UPF2: variants seen among roughly 807,000 people sequenced by gnomAD.
UPF2 encodes regulator of nonsense transcripts 2.
Under a neutral mutation model 141.4 loss-of-function variants are expected in UPF2, and 17 were observed. The observed-to-expected ratio is 0.12, with a 90% CI of 0.08 to 0.18. The LOEUF (loss-of-function observed/expected upper bound fraction) is 0.18, where lower values mean the gene tolerates loss of function less well. Among genes scored for constraint, UPF2 ranks in the 10% least tolerant of loss-of-function variants. The pLI is 1.00. For missense variants in UPF2, 1,152 were observed against 1,515.9 expected (o/e 0.76, Z 3.99); for synonymous variants, 540 against 498.0 (o/e 1.08, Z -1.12).
rs1179353705 is a variant in UPF2, at chr10:11,952,838, A to G, written c.2851-589T>C. On this transcript the variant is annotated intron_variant, in intron 14 of 21. Coordinates refer to ENST00000357604, the MANE Select transcript of UPF2 (RefSeq NM_015542.4). The stretch of plus-strand genomic sequence containing the variant: ...GGCAAGGAAATATTATAAATAAAAT[A>G]CCAAATAAATTTTTAGGTACTCCAA... Among the ~76,000 whole-genome samples the G allele has an allele frequency of 2.0e-5, 3 of 152,084 alleles. 1 individual carries two copies. The highest frequency in any genetic ancestry group is 7.2e-5 in the African/African-American group (3 of 41,402).
rs544636357 is a variant in UPF2 at position 11,941,337 on chromosome 10, AATAAC to A, written c.3378+1323_3378+1327del. Among the ~76,000 whole-genome samples, 420 of 152,308 alleles carry A rather than the reference AATAAC, an allele frequency of 2.8e-3. 1 individual carries two copies. The highest frequency in any genetic ancestry group is 4.6e-3 in the South Asian group (22 of 4,830). On this transcript the variant is annotated intron_variant, in intron 18 of 21. Coordinates refer to ENST00000357604, the MANE Select transcript of UPF2 (RefSeq NM_015542.4). The stretch of plus-strand genomic sequence containing the variant: ...TTTTATTTGATTGCTTGCGCTCCTA[AATAAC>A]ATAAATGTAAGATTTATTTCATAAA...
intron 5 of UPF2, among the ~76,000 whole-genome samples, chr10:12,002,430 AG>A (rs1833969411): frequency 6.6e-6 from 1 of 152,110 alleles, no homozygotes; most frequent in Non-Finnish European, 1.5e-5. Context: ...GCTAAAGATG[AG>A]GGGGAAAAAA....
At chr10:11,970,284 C>T (rs1307761330) in intron 9 of UPF2, among the ~76,000 whole-genome samples, 2 of 151,884 alleles carry the variant, frequency 1.3e-5, no homozygotes, top group African/African-American at 2.4e-5. Context: ...GGGTAAAATG[C>T]TTCCGAGAAA....
At position 11,942,724 on chromosome 10, in the gene UPF2, A is replaced by T. The variant is rs1383098017; in HGVS notation, c.3319T>A (p.Cys1107Ser). Residue 1107 changes from cysteine (C) to serine (S), a missense_variant, in exon 18 of 22, where the codon TGT (cysteine) becomes AGT (serine). Physicochemically the swap from Cys to Ser is moderately radical, Grantham distance 112. Around this residue, in one of 4 missense-constraint regions of UPF2, gnomAD observed 202 missense variants for 223.6 expected, o/e 0.90. Coordinates refer to ENST00000357604, the MANE Select transcript of UPF2 (RefSeq NM_015542.4). Reference protein sequence around the residue: ...IKGGGLKHVPCVEDEDFIQAL... With the variant: ...IKGGGLKHVPSVEDEDFIQAL... ...TGAATGAAGTCCTCATCTTCTACAC[A>T]AGGTACATGCTTAAGTCCACCGCCT... The T allele has an allele frequency of 1.2e-6, 2 of 1,614,052 alleles. 1 individual carries two copies. Among genetic ancestry groups the T allele is most frequent in the South Asian group, 2.2e-5 (2 of 91,080 alleles).
At chr10:11,938,872 T>TTTTTTTTTTTTTTTTTTTTG (rs1832898983) in intron 18 of UPF2, among the ~76,000 whole-genome samples, 1 of 106,012 alleles carries the variant, frequency 9.4e-6, no homozygotes, top group East Asian at 4.3e-4. Flanking sequence ...TTTTTTTTTT[T>TTTTTTTTTTTTTTTTTTTTG]TTTTTTTTTT....
At position 12,014,232 on chromosome 10, in the gene UPF2, T is replaced by A. The variant is rs1353654708; in HGVS notation, c.1146-48A>T. On this transcript the variant is annotated intron_variant, in intron 3 of 21. Coordinates refer to ENST00000357604, the MANE Select transcript of UPF2 (RefSeq NM_015542.4). The surrounding 1 kb of genome is among the most constrained non-coding windows in gnomAD (Gnocchi z 5.0). Reference sequence around the variant, plus strand: ...GACAGTCTTATCAAAATAGATGTGATCACAAATTGTTATATATGGGAAACA... The same window carrying A: ...GACAGTCTTATCAAAATAGATGTGAACACAAATTGTTATATATGGGAAACA... The A allele has an allele frequency of 7.6e-7, 1 of 1,320,964 alleles. No individual in the cohort carries two copies. The highest frequency in any genetic ancestry group is 9.8e-7 in the Non-Finnish European group (1 of 1,024,788). The allele number at this position is 1,320,964 out of a possible 1,614,324, so 81.8% of individuals were successfully genotyped here.
intron 11 of UPF2, among the ~76,000 whole-genome samples, chr10:11,961,190 A>T (rs749645174): frequency 2.2e-4 from 33 of 152,042 alleles, no homozygotes; most frequent in Non-Finnish European, 4.0e-4. Context: ...ATTCCTACTT[A>T]CAAGAAACTT....
chr10:11,924,577 CA>C (rs57209815), intron 21 of UPF2, among the ~76,000 whole-genome samples: 9 of 149,342 alleles, frequency 6.0e-5, no homozygotes, highest in Admixed American at 6.0e-4. Flanking sequence ...CATGTCGTCT[CA>C]AAAAAAAAAA....
chr10:11,981,332 C>A (rs1299165639), intron 8 of UPF2, among the ~76,000 whole-genome samples: 2 of 152,164 alleles, frequency 1.3e-5, no homozygotes, highest in Admixed American at 1.3e-4. Context: ...CTGTCCTAGG[C>A]CTCTTACATA....
intron 21 of UPF2, among the ~76,000 whole-genome samples, chr10:11,922,867 A>C (rs562672969): frequency 4.0e-5 from 6 of 151,688 alleles, no homozygotes. Flanking sequence ...TGAGACCTCG[A>C]CTCCACTAAA....
chr10:11,972,654 T>C (rs554490983), intron 9 of UPF2, among the ~76,000 whole-genome samples: 4 of 152,294 alleles, frequency 2.6e-5, no homozygotes, highest in South Asian at 2.1e-4. Flanking sequence ...GTCCTTGCAA[T>C]AGTTTGCTCA....
At chr10:12,028,688 T>A (rs951324183) in intron 3 of UPF2, 57 bp downstream of exon 3, 42 of 1,503,476 alleles carry the variant, frequency 2.8e-5, no homozygotes, top group Non-Finnish European at 3.2e-5. Flanking sequence ...ACTTTAAACA[T>A]TTTTAAGTAT....
At position 11,930,070 on chromosome 10, in the gene UPF2, TAAG is replaced by T. The variant is rs1832764583; in HGVS notation, c.3689-88_3689-86del. On this transcript the variant is annotated intron_variant, in intron 20 of 21. Coordinates refer to ENST00000357604, the MANE Select transcript of UPF2 (RefSeq NM_015542.4). ...AGAGTGAACGAAATGTTGGGGAGAT[TAAG>T]TTTATTAGTCCTGTCAGGGAGCTGA... 1.9e-6 allele frequency: 3 copies of T among 1,575,074 alleles called. No homozygotes were observed. The Admixed American group carries it at 5.3e-5, about 28-fold the overall frequency.
intron 12 of UPF2, among the ~76,000 whole-genome samples, chr10:11,957,146 GGGCCAGGTGCTGT>G (rs1833165035): frequency 6.6e-6 from 1 of 151,228 alleles, no homozygotes; most frequent in Non-Finnish European, 1.5e-5. Flanking sequence ...AAACAAAAAC[GGGCCAGGTGCTGT>G]GGCTCACGCT....
chr10:12,042,877 C>T (rs1281750046), upstream of UPF2: 2 of 152,148 alleles, frequency 1.3e-5, no homozygotes, highest in Non-Finnish European at 2.9e-5. The surrounding 1 kb of genome is among the most constrained non-coding windows in gnomAD (Gnocchi z 5.5). Context: ...GCTCCCCCTC[C>T]TCCCTCCGCC....
intron 3 of UPF2, among the ~76,000 whole-genome samples, chr10:12,018,688 G>T (rs1834267031): frequency 6.6e-6 from 1 of 152,156 alleles, no homozygotes; most frequent in Non-Finnish European, 1.5e-5. Context: ...GGAGGTCGAG[G>T]CTGCAGTAAG....
Position 11,931,561 on chromosome 10 carries a change from T to A in UPF2, c.3688+80A>T. On this transcript the variant is annotated intron_variant, in intron 20 of 21. Transcript: ENST00000357604. This position sits in a 1 kb window ranked among gnomAD's most constrained non-coding sequence, Gnocchi z 5.9. ...AGCATAAATATGGAAAAATATGACA[T>A]GAGAAGATGAGACAAAATAACAATT... is the stretch of plus-strand genomic sequence containing the variant. The A allele has an allele frequency of 5.0e-6, 7 of 1,407,676 alleles. No individual in the cohort carries two copies. Among genetic ancestry groups the A allele is most frequent in the Non-Finnish European group, 6.6e-6 (7 of 1,060,004 alleles). The allele number at this position is 1,407,676 out of a possible 1,614,324, so 87.2% of individuals were successfully genotyped here.
intron 1 of UPF2, among the ~76,000 whole-genome samples, chr10:12,036,335 C>T (rs571252753): frequency 3.3e-5 from 5 of 152,218 alleles, no homozygotes; most frequent in East Asian, 3.9e-4. Context: ...GCTAAATATC[C>T]GTCGGAGAAA....
intron 4 of UPF2, among the ~76,000 whole-genome samples, chr10:12,010,319 C>T (rs1834105060): frequency 6.6e-6 from 1 of 152,148 alleles, no homozygotes; most frequent in Non-Finnish European, 1.5e-5. Flanking sequence ...TCGGAAATCA[C>T]ACAGATGACA....
Sources: allele counts gnomAD v4.1 joint callset (sites outside exome capture counted in the v4.1 genomes callset), GRCh38; gene constraint gnomAD v4.1.1; regional missense constraint gnomAD v4.1.1; non-coding constraint Gnocchi (gnomAD v3.1); transcripts MANE v1.5; gene names NCBI Gene and HGNC (gene_info 2026-07-23, HGNC 2026-07-21).